The following ABTB2 variants were observed in gnomAD, a reference collection of about 807,000 sequenced individuals.
ABTB2 encodes the protein ankyrin repeat and BTB/POZ domain-containing protein 2.
ABTB2 carries 56 observed loss-of-function variants against 104.1 expected under a neutral mutation model. The ratio of observed to expected loss-of-function variants is 0.54; its 90% CI spans 0.43 to 0.67. The LOEUF (loss-of-function observed/expected upper bound fraction) is 0.67, where lower values mean the gene tolerates loss of function less well. ABTB2 is among the 30% of genes least tolerant of loss of function. The pLI is 0.00. For synonymous variants in ABTB2, 606 were observed against 608.2 expected, an observed-to-expected ratio of 1.00 and a Z score of 0.05; for missense variants, 1,279 against 1,407.7, an observed-to-expected ratio of 0.91 and a Z score of 1.46.
chr11:34,167,848 C>A, intron 6 of ABTB2, 55 bp downstream of exon 6: 1 of 1,573,294 alleles, frequency 6.4e-7, no homozygotes, highest in Non-Finnish European at 8.7e-7. Context: ...TTGGAGCCCT[C>A]GGAGTGATCC....
chr11:34,306,141 T>C (rs1362724559), intron 1 of ABTB2, among the ~76,000 whole-genome samples: 1 of 151,630 alleles, frequency 6.6e-6, no homozygotes, highest in Non-Finnish European at 1.5e-5. Context: ...GCACCATGAC[T>C]CTAAACTAAT....
chr11:34,195,334 T>C (rs2473901), intron 3 of ABTB2, among the ~76,000 whole-genome samples: 24,934 of 152,200 alleles, frequency 0.16, 2,207 homozygotes, highest in African/African-American at 0.23. Flanking sequence ...CACAACACTT[T>C]TCCACAAAGC....
chr11:34,357,657 G>A lies in ABTB2; in HGVS notation c.-74C>T. The A allele has an allele frequency of 1.4e-6, 2 of 1,406,456 alleles. No homozygotes were observed. The highest frequency in any genetic ancestry group is 2.9e-5 in the South Asian group (2 of 67,944). 87.1% of individuals were successfully genotyped at this position (1,406,456 alleles called of 1,614,324 possible). On this transcript the variant is annotated 5_prime_UTR_variant, in exon 1 of 17. Coordinates refer to ENST00000435224, the MANE Select transcript of ABTB2 (RefSeq NM_145804.3). The stretch of plus-strand genomic sequence containing the variant: ...CCATGCCCTCTTTCCCAAGTGGGCA[G>A]AAACAAGCTCTAGGCCCTCCGGGCC...
intron 1 of ABTB2, among the ~76,000 whole-genome samples, chr11:34,312,169 A>AAAAAGG (rs1162574196): frequency 2.0e-5 from 3 of 152,006 alleles, no homozygotes; most frequent in Admixed American, 2.0e-4. Flanking sequence ...AAAGAAAAAG[A>AAAAAGG]AAAAGAGAAA....
intron 1 of ABTB2, among the ~76,000 whole-genome samples, chr11:34,236,647 A>AT (rs1853848118): frequency 2.0e-5 from 3 of 152,338 alleles, no homozygotes; most frequent in Admixed American, 2.0e-4. Flanking sequence ...CCAGGCCTTG[A>AT]TCTCCTGGGG....
chr11:34,300,700 T>TA (rs926050423), intron 1 of ABTB2, among the ~76,000 whole-genome samples: 7 of 150,768 alleles, frequency 4.6e-5, no homozygotes, highest in Non-Finnish European at 1.0e-4. Context: ...TCTGTTCTTT[T>TA]AAAAAAAGAA....
At chr11:34,270,902 G>A (rs527715431) in intron 1 of ABTB2, among the ~76,000 whole-genome samples, 6 of 152,244 alleles carry the variant, frequency 3.9e-5, no homozygotes, top group African/African-American at 1.2e-4. Flanking sequence ...ACTGTGTGAC[G>A]CCTTTTGCCC....
At chr11:34,249,096 T>C (rs1006925891) in intron 1 of ABTB2, among the ~76,000 whole-genome samples, 1 of 152,232 alleles carries the variant, frequency 6.6e-6, no homozygotes, top group African/African-American at 2.4e-5. Flanking sequence ...GCCATTGCAC[T>C]CTAGCCTGGG....
chr11:34,204,487 A>C, intron 2 of ABTB2, 57 bp downstream of exon 2: 5 of 1,498,738 alleles, frequency 3.3e-6, no homozygotes, highest in Non-Finnish European at 4.4e-6. Context: ...GCCTTCCCCC[A>C]GCCCTGAGAC....
At chr11:34,191,166 G>A (rs1853170381) in intron 3 of ABTB2, among the ~76,000 whole-genome samples, 2 of 152,180 alleles carry the variant, frequency 1.3e-5, no homozygotes, top group African/African-American at 4.8e-5. Context: ...CTACTTGGGA[G>A]GCTGAGGTGG....
chr11:34,263,271 C>T (rs1460773977), intron 1 of ABTB2, among the ~76,000 whole-genome samples: 1 of 152,084 alleles, frequency 6.6e-6, no homozygotes, highest in Admixed American at 6.5e-5. Flanking sequence ...GAGGGCCACA[C>T]TCCCCCTTCA....
intron 1 of ABTB2, among the ~76,000 whole-genome samples, chr11:34,295,234 G>T (rs542656033): frequency 1.3e-5 from 2 of 152,276 alleles, no homozygotes; most frequent in South Asian, 2.1e-4. Context: ...ATTTGTTGCT[G>T]ATGAGAATGA....
At chr11:34,321,246 G>A (rs1450949389) in intron 1 of ABTB2, among the ~76,000 whole-genome samples, 1 of 152,144 alleles carries the variant, frequency 6.6e-6, no homozygotes, top group Non-Finnish European at 1.5e-5. Flanking sequence ...AAGGGAGAAT[G>A]AACAGCTGCG....
intron 1 of ABTB2, among the ~76,000 whole-genome samples, chr11:34,296,787 G>C: frequency 6.6e-6 from 1 of 152,324 alleles, no homozygotes; most frequent in East Asian, 1.9e-4. Context: ...AAATGGTCTG[G>C]AAATGGCAAT....
chr11:34,290,500 T>C (rs545349916), intron 1 of ABTB2, among the ~76,000 whole-genome samples: 44 of 152,318 alleles, frequency 2.9e-4, no homozygotes, highest in African/African-American at 1.1e-3. Context: ...TAACCACATA[T>C]GGCAGATATG....
intron 1 of ABTB2, among the ~76,000 whole-genome samples, chr11:34,338,100 G>T (rs1855214309): frequency 6.6e-6 from 1 of 152,124 alleles, no homozygotes; most frequent in African/African-American, 2.4e-5. Context: ...ACAGATGTCG[G>T]CCAGGCACAG....
chr11:34,257,369 G>C (rs1437600746), intron 1 of ABTB2, among the ~76,000 whole-genome samples: 2 of 152,190 alleles, frequency 1.3e-5, no homozygotes, highest in Non-Finnish European at 2.9e-5. Flanking sequence ...ATCTCCAGGA[G>C]GCCTCTAAGA....
intron 1 of ABTB2, among the ~76,000 whole-genome samples, chr11:34,229,660 C>T (rs1045486694): frequency 1.4e-4 from 22 of 152,104 alleles, no homozygotes; most frequent in African/African-American, 5.3e-4. Flanking sequence ...AGCTCTCTCA[C>T]TAGTTTCATA....
intron 8 of ABTB2, 66 bp downstream of exon 8, chr11:34,165,193 AT>A: frequency 7.1e-7 from 1 of 1,413,388 alleles, no homozygotes; most frequent in Non-Finnish European, 9.6e-7. Flanking sequence ...GTCCAGCTAC[AT>A]GCCTGGCCAG....
Sources: allele counts gnomAD v4.1 joint callset (sites outside exome capture counted in the v4.1 genomes callset), GRCh38; gene constraint gnomAD v4.1.1; transcripts MANE v1.5; gene names NCBI Gene and HGNC (gene_info 2026-07-23, HGNC 2026-07-21).